The following SPRR2G variants were observed in gnomAD, a reference collection of about 807,000 sequenced individuals.
SPRR2G encodes the protein small proline-rich protein 2G.
A neutral mutation model predicts 0.7 loss-of-function variants in SPRR2G; 1 was observed. That is an observed-to-expected ratio of 1.49 (90% CI 0.53 to 7.06). SPRR2G has a LOEUF of 7.06. Among genes scored for constraint, SPRR2G ranks in the 30% most tolerant of loss-of-function variants. The probability of loss-of-function intolerance (pLI) is 0.14; values close to 1 mark genes in which losing one functional copy is unlikely to be tolerated. For missense variants in SPRR2G, 96 were observed against 88.5 expected (o/e 1.09, Z -0.34); for synonymous variants, 38 against 33.9 (o/e 1.12, Z -0.42).
chr1:153,199,168 T>C, the SPRR2G span, among the ~76,000 whole-genome samples: 1 of 151,376 alleles, frequency 6.6e-6, no homozygotes, highest in East Asian at 1.9e-4. Flanking sequence ...TGATAAACAG[T>C]GAAAGGGGAG....
the SPRR2G span, among the ~76,000 whole-genome samples, chr1:153,185,574 AT>A: frequency 2.0e-5 from 3 of 151,740 alleles, no homozygotes; most frequent in African/African-American, 4.8e-5. Flanking sequence ...CCCCTTTATC[AT>A]TTTTTATTGT....
chr1:153,162,831 T>G, the SPRR2G span, among the ~76,000 whole-genome samples: 2 of 152,236 alleles, frequency 1.3e-5, no homozygotes, highest in Non-Finnish European at 2.9e-5. Context: ...CAAGATAGTA[T>G]GAGCCCCTTA....
At chr1:153,170,768 A>G in the SPRR2G span, among the ~76,000 whole-genome samples, 1 of 152,178 alleles carries the variant, frequency 6.6e-6, no homozygotes, top group Non-Finnish European at 1.5e-5. Flanking sequence ...TCTCCCACTC[A>G]AAGGTCCTAC....
the SPRR2G span, among the ~76,000 whole-genome samples, chr1:153,157,261 A>G: frequency 6.6e-6 from 1 of 152,194 alleles, no homozygotes; most frequent in Non-Finnish European, 1.5e-5. Context: ...GTTAAGTGTG[A>G]TGATCATCTT....
chr1:153,196,128 T>C, the SPRR2G span, among the ~76,000 whole-genome samples: 1 of 152,256 alleles, frequency 6.6e-6, no homozygotes, highest in South Asian at 2.1e-4. Flanking sequence ...CAATGCAATA[T>C]TGTTGACTAT....
In SPRR2G at chr1:153,150,054, G is replaced by T; in HGVS notation, c.57C>A (p.Pro19=). ...GACATGGCTCTGGGCACTTTGGCGT[G>T]GGGCACACAGGAGGTGGCTGGCAGG... The part of the protein sequence containing the change: ...KQPCQPPPVC[P]TPKCPEPCPP... Residue 19 remains proline, a synonymous_variant, in exon 2 of 2, where the codon CCC becomes CCA. Transcript: ENST00000368748. 1 of 1,613,248 alleles carries T rather than the reference G, an allele frequency of 6.2e-7. No homozygotes were observed.
chr1:153,182,750 C>CAT, the SPRR2G span, among the ~76,000 whole-genome samples: 1 of 152,128 alleles, frequency 6.6e-6, no homozygotes, highest in Non-Finnish European at 1.5e-5. Context: ...CATAGTATTC[C>CAT]ATGGTGTATA....
At chr1:153,167,642 G>C in the SPRR2G span, among the ~76,000 whole-genome samples, 65,199 of 152,020 alleles carry the variant, frequency 0.43, 14,467 homozygotes, top group East Asian at 0.54. Context: ...CTATTACTCT[G>C]CTAGATGCTG....
At chr1:153,195,936 C>T in the SPRR2G span, among the ~76,000 whole-genome samples, 944 of 152,310 alleles carry the variant, frequency 6.2e-3, 12 homozygotes, top group African/African-American at 0.022. Context: ...TGGTGAGTGA[C>T]TCCTCCCAGG....
the SPRR2G span, among the ~76,000 whole-genome samples, chr1:153,194,917 G>T: frequency 5.3e-5 from 8 of 152,164 alleles, no homozygotes; most frequent in African/African-American, 1.9e-4. Flanking sequence ...GAGAATTAGG[G>T]AGAGGAGAGG....
chr1:153,174,886 G>A, the SPRR2G span, among the ~76,000 whole-genome samples: 1 of 152,246 alleles, frequency 6.6e-6, no homozygotes, highest in South Asian at 2.1e-4. Flanking sequence ...AAAATGACCT[G>A]GATGGATGCT....
At chr1:153,200,849 G>A in the SPRR2G span, among the ~76,000 whole-genome samples, 7 of 151,982 alleles carry the variant, frequency 4.6e-5, no homozygotes, top group East Asian at 1.9e-4. Flanking sequence ...TCAGGCATGC[G>A]CCACCACGCC....
chr1:153,194,374 C>T, the SPRR2G span, among the ~76,000 whole-genome samples: 1 of 152,176 alleles, frequency 6.6e-6, no homozygotes, highest in South Asian at 2.1e-4. Context: ...ACCAAAAGGC[C>T]TTCAAAAGAT....
chr1:153,158,186 C>A, the SPRR2G span, among the ~76,000 whole-genome samples: 1 of 152,176 alleles, frequency 6.6e-6, no homozygotes, highest in African/African-American at 2.4e-5. Context: ...ACTCAAAAGT[C>A]CAAGTCCAAA....
chr1:153,175,174 A>G, the SPRR2G span, among the ~76,000 whole-genome samples: 4 of 152,064 alleles, frequency 2.6e-5, no homozygotes, highest in South Asian at 8.3e-4. Flanking sequence ...AGGTACCATC[A>G]TCTCTCACTT....
chr1:153,182,294 C>T, the SPRR2G span, among the ~76,000 whole-genome samples: 5 of 151,876 alleles, frequency 3.3e-5, no homozygotes, highest in African/African-American at 7.3e-5. Flanking sequence ...TGAGTTCCTG[C>T]ATACCCAAAA....
the SPRR2G span, among the ~76,000 whole-genome samples, chr1:153,171,360 A>G: frequency 4.6e-5 from 7 of 152,178 alleles, no homozygotes; most frequent in Admixed American, 1.3e-4. Flanking sequence ...GATTGCATAT[A>G]AACATTCAAG....
chr1:153,154,387 T>A (rs1458991657), upstream of SPRR2G, among the ~76,000 whole-genome samples: 2 of 152,098 alleles, frequency 1.3e-5, no homozygotes, highest in Non-Finnish European at 2.9e-5. Context: ...TTGGAAGTGG[T>A]CTCTCCTCAA....
the SPRR2G span, among the ~76,000 whole-genome samples, chr1:153,196,332 G>C: frequency 1.3e-5 from 2 of 152,104 alleles, no homozygotes; most frequent in African/African-American, 4.8e-5. Context: ...TTCTGTATTT[G>C]ACTTATTTCA....
Sources: allele counts gnomAD v4.1 joint callset (sites outside exome capture counted in the v4.1 genomes callset), GRCh38; gene constraint gnomAD v4.1.1; transcripts MANE v1.5; gene names NCBI Gene and HGNC (gene_info 2026-07-23, HGNC 2026-07-21).